Variants in KCNK9 observed in about 807,000 individuals in gnomAD.
The protein encoded by KCNK9 is potassium channel subfamily K member 9.
In KCNK9, 1 loss-of-function variant was observed where a neutral mutation model predicts 10.8. That is an observed-to-expected ratio of 0.09 (90% CI 0.03 to 0.44). The LOEUF (loss-of-function observed/expected upper bound fraction) is 0.44, where lower values mean the gene tolerates loss of function less well. KCNK9 is among the 20% of genes least tolerant of loss of function. The probability of loss-of-function intolerance (pLI) is 0.97; values close to 1 mark genes in which losing one functional copy is unlikely to be tolerated. For synonymous variants in KCNK9, 231 were observed against 222.7 expected, an observed-to-expected ratio of 1.04 and a Z score of -0.33; for missense variants, 303 against 515.0, an observed-to-expected ratio of 0.59 and a Z score of 3.98.
chr8:139,637,227 G>A (rs1406078005), intron 1 of KCNK9, among the ~76,000 whole-genome samples: 1 of 152,222 alleles, frequency 6.6e-6, no homozygotes, highest in Non-Finnish European at 1.5e-5. Flanking sequence ...ATCATGACCT[G>A]CATGTCGGAG....
intron 1 of KCNK9, among the ~76,000 whole-genome samples, chr8:139,648,323 A>G (rs542264679): frequency 6.6e-6 from 1 of 152,280 alleles, no homozygotes; most frequent in South Asian, 2.1e-4. Context: ...CGAAAATAAG[A>G]TGTTGTTTTG....
intron 1 of KCNK9, among the ~76,000 whole-genome samples, chr8:139,655,881 C>G (rs916928193): frequency 1.3e-5 from 2 of 152,184 alleles, no homozygotes; most frequent in African/African-American, 2.4e-5. Context: ...GGAGACAGAG[C>G]GATGCTGTGG....
intron 1 of KCNK9, among the ~76,000 whole-genome samples, chr8:139,641,031 A>T (rs1047086515): frequency 1.3e-5 from 2 of 152,188 alleles, no homozygotes; most frequent in Non-Finnish European, 2.9e-5. Context: ...ACCAAATGAG[A>T]TGACCAGGGA....
chr8:139,680,496 C>G (rs1816665237), intron 1 of KCNK9, among the ~76,000 whole-genome samples: 1 of 152,200 alleles, frequency 6.6e-6, no homozygotes, highest in Admixed American at 6.5e-5. Context: ...GGAGGAGGGA[C>G]AGGAAGATGG....
At chr8:139,650,159 G>A (rs1023963327) in intron 1 of KCNK9, among the ~76,000 whole-genome samples, 1 of 152,220 alleles carries the variant, frequency 6.6e-6, no homozygotes, top group Non-Finnish European at 1.5e-5. Context: ...TCTCCCCCAA[G>A]TAAGATCCAA....
intron 2 of KCNK9, among the ~76,000 whole-genome samples, chr8:139,605,542 T>A (rs143288479): frequency 6.6e-6 from 1 of 152,282 alleles, no homozygotes; most frequent in African/African-American, 2.4e-5. Context: ...GCACTCTGCT[T>A]TCAGAATGTG....
rs1206557828 is a variant in KCNK9, at chr8:139,693,441, C to G, written c.283+9269G>C. On this transcript the variant is annotated intron_variant, in intron 1 of 1. Transcript: ENST00000520439. The surrounding 1 kb of genome is among the most constrained non-coding windows in gnomAD (Gnocchi z 4.1). ...CCAGTGGTCCCAAGGCACAACCAAGCAGAAAGATGTCACCCCAAACTGCTC... is the reference window on the plus strand; with the variant it reads ...CCAGTGGTCCCAAGGCACAACCAAGGAGAAAGATGTCACCCCAAACTGCTC... Among the ~76,000 whole-genome samples, 2 of 152,004 alleles carry G rather than the reference C, an allele frequency of 1.3e-5. No homozygotes were observed. The highest frequency in any genetic ancestry group is 1.3e-4 in the Admixed American group (2 of 15,258).
At chr8:139,607,132 C>A (rs1225903613) in intron 2 of KCNK9, among the ~76,000 whole-genome samples, 1 of 152,238 alleles carries the variant, frequency 6.6e-6, no homozygotes, top group Non-Finnish European at 1.5e-5. Flanking sequence ...TGGGTTCCCA[C>A]TAATTGTGTT....
In KCNK9 at chr8:139,665,704, G is replaced by A. The variant is rs529269871; in HGVS notation, c.283+37006C>T. Among the ~76,000 whole-genome samples, 198 of 152,290 alleles carry A rather than the reference G, an allele frequency of 1.3e-3. 1 individual carries two copies. Among genetic ancestry groups the A allele is most frequent in the Middle Eastern group, 6.8e-3 (2 of 294 alleles). On this transcript the variant is annotated intron_variant, in intron 1 of 1. Transcript: ENST00000520439. The stretch of plus-strand genomic sequence containing the variant: ...GCTAACTCTGTAAAATGAGGTGGCC[G>A]TGCACAAAGGGCTGCCATCAGATCA...
chr8:139,648,713 C>A (rs1011467009), intron 1 of KCNK9, among the ~76,000 whole-genome samples: 1 of 152,236 alleles, frequency 6.6e-6, no homozygotes, highest in South Asian at 2.1e-4. Flanking sequence ...GGTAAGGACG[C>A]GGCCCCTGCC....
intron 1 of KCNK9, among the ~76,000 whole-genome samples, chr8:139,697,185 TGGTGGATG>T (rs148164435): frequency 0.56 from 82,767 of 147,462 alleles, 23,188 homozygotes; most frequent in Admixed American, 0.62. Context: ...GACAGATGGA[TGGTGGATG>T]GGTGGATGAG....
downstream of KCNK9, among the ~76,000 whole-genome samples, chr8:139,612,925 G>A (rs1814475815): frequency 6.6e-6 from 1 of 152,148 alleles, no homozygotes; most frequent in African/African-American, 2.4e-5. Flanking sequence ...AATGGTGATG[G>A]GGACGTCCTA....
rs1366896393 is a variant in KCNK9 at position 139,617,772 on chromosome 8, GCACACACACAA to G, written c.*475_*485del. On this transcript the variant is annotated 3_prime_UTR_variant, in exon 2 of 2. Coordinates refer to ENST00000520439, the MANE Select transcript of KCNK9 (RefSeq NM_001282534.2). Reference sequence around the variant, plus strand: ...TGTCACGACACACGTGCACACAGAAGCACACACACAACACACACACAGTCACTCAGTCCTTA... The same window carrying G: ...TGTCACGACACACGTGCACACAGAAGCACACACACAGTCACTCAGTCCTTA... Among the ~76,000 whole-genome samples the G allele has an allele frequency of 3.3e-5, 5 of 152,200 alleles. No individual in the cohort carries two copies. Among genetic ancestry groups the G allele is most frequent in the African/African-American group, 4.8e-5 (2 of 41,512 alleles).
At chr8:139,673,960 G>T (rs1041456145) in intron 1 of KCNK9, among the ~76,000 whole-genome samples, 1 of 152,062 alleles carries the variant, frequency 6.6e-6, no homozygotes, top group Non-Finnish European at 1.5e-5. Context: ...CTGCCCCACC[G>T]CCCTGGCCTT....
At chr8:139,679,036 T>A (rs1816625024) in intron 1 of KCNK9, among the ~76,000 whole-genome samples, 1 of 152,182 alleles carries the variant, frequency 6.6e-6, no homozygotes, top group Non-Finnish European at 1.5e-5. Flanking sequence ...CTTTGTTTTT[T>A]TTAACAGCCC....
intron 1 of KCNK9, among the ~76,000 whole-genome samples, chr8:139,630,627 G>T (rs1815135333): frequency 6.6e-6 from 1 of 152,216 alleles, no homozygotes; most frequent in Admixed American, 6.5e-5. Flanking sequence ...GCAGCTCGGA[G>T]AGGGTGTAGG....
chr8:139,624,505 G>T (rs1363679168), intron 1 of KCNK9, among the ~76,000 whole-genome samples: 1 of 152,132 alleles, frequency 6.6e-6, no homozygotes, highest in African/African-American at 2.4e-5. Context: ...AGGCTCCAGG[G>T]TCCTGCTCTG....
At chr8:139,639,632 C>A (rs1815440709) in intron 1 of KCNK9, among the ~76,000 whole-genome samples, 2 of 152,210 alleles carry the variant, frequency 1.3e-5, no homozygotes, top group South Asian at 4.1e-4. Flanking sequence ...GGGGCAGACC[C>A]ACATGTGACA....
At chr8:139,633,412 A>G (rs908370935) in intron 1 of KCNK9, among the ~76,000 whole-genome samples, 1 of 152,194 alleles carries the variant, frequency 6.6e-6, no homozygotes, top group Admixed American at 6.5e-5. Flanking sequence ...GATGGCAATC[A>G]TGAGGACCTC....
Sources: gnomAD v4.1 joint callset for allele counts (sites outside exome capture counted in the v4.1 genomes callset) on GRCh38, gnomAD v4.1.1 for gene constraint, Gnocchi (gnomAD v3.1) non-coding constraint, MANE v1.5 for transcripts, NCBI Gene and HGNC (gene_info 2026-07-23, HGNC 2026-07-21) for gene names.